The following SLC25A24 variants were observed in gnomAD, a reference collection of about 807,000 sequenced individuals.
SLC25A24 encodes mitochondrial adenyl nucleotide antiporter SLC25A24.
A neutral mutation model predicts 60.7 loss-of-function variants in SLC25A24; 49 were observed. The observed-to-expected ratio is 0.81, with a 90% CI of 0.64 to 1.02. The LOEUF (loss-of-function observed/expected upper bound fraction) is 1.02, where lower values mean the gene tolerates loss of function less well. Among genes scored for constraint, SLC25A24 ranks in the 50% least tolerant of loss-of-function variants. The pLI, the probability that SLC25A24 is intolerant of heterozygous loss-of-function variation, is 0.00. For missense variants in SLC25A24, 564 were observed against 586.3 expected (o/e 0.96, Z 0.39); for synonymous variants, 202 against 200.6 (o/e 1.01, Z -0.06).
chr1:108,182,062 T>G, intron 2 of SLC25A24, 34 bp from the exon 3 acceptor site: 1 of 1,299,178 alleles, frequency 7.7e-7, no homozygotes, highest in Non-Finnish European at 1.1e-6. Flanking sequence ...AAAATAAAAC[T>G]CAGAACTGGT....
chr1:108,176,658 T>A (rs778910393), intron 3 of SLC25A24, among the ~76,000 whole-genome samples: 2 of 151,904 alleles, frequency 1.3e-5, no homozygotes, highest in Admixed American at 1.3e-4. Context: ...TATAAGACAG[T>A]CCCAATATGG....
intron 4 of SLC25A24, among the ~76,000 whole-genome samples, chr1:108,159,966 C>G (rs576899616): frequency 8.9e-4 from 135 of 152,220 alleles, no homozygotes; most frequent in African/African-American, 3.1e-3. Flanking sequence ...GGCCCGTTCT[C>G]AATGAGCTGT....
chr1:108,136,971 C>T (rs2101592871), intron 9 of SLC25A24, 134 bp from the exon 10 acceptor site: 1 of 820,454 alleles, frequency 1.2e-6, no homozygotes, highest in Non-Finnish European at 1.9e-6. Flanking sequence ...CCCAAGACAA[C>T]ATCCCTTTTA....
chr1:108,138,479 T>A (rs1181121353), intron 9 of SLC25A24, among the ~76,000 whole-genome samples: 1 of 152,080 alleles, frequency 6.6e-6, no homozygotes, highest in African/African-American at 2.4e-5. Flanking sequence ...CAGCAAATGG[T>A]AAAAGTTATC....
At chr1:108,194,733 C>T (rs1217749473) in intron 1 of SLC25A24, among the ~76,000 whole-genome samples, 1 of 152,174 alleles carries the variant, frequency 6.6e-6, no homozygotes, top group Admixed American at 6.5e-5. Context: ...AGAACGCTGT[C>T]AGTGTTGTTC....
At position 108,190,673 on chromosome 1, in the gene SLC25A24, C is replaced by T. The variant is rs147476758; in HGVS notation, c.184-4719G>A. Among the ~76,000 whole-genome samples, 74 of 150,392 alleles carry T rather than the reference C, an allele frequency of 4.9e-4. 1 individual carries two copies. The highest frequency in any genetic ancestry group is 1.5e-3 in the African/African-American group (63 of 40,872). On this transcript the variant is annotated intron_variant, in intron 1 of 9. Transcript: ENST00000565488. ...AAGTTATTGCTTTTGTATCTTAACA[C>T]GACAATGTAAGTATCATTTCTTTTT...
rs1332580880 is a variant in SLC25A24 at position 108,166,598 on chromosome 1, C to T, written c.399-5305G>A. Among the ~76,000 whole-genome samples the T allele has an allele frequency of 1.1e-4, 17 of 152,294 alleles. No individual in the cohort carries two copies. The East Asian group carries it at 3.3e-3, about 29-fold the overall frequency. ...CAGTTGATCGCATCAGCTCCTGAGGCTTCTGCATTCTTCATGTAGTTCTCG... is the reference window on the plus strand; with the variant it reads ...CAGTTGATCGCATCAGCTCCTGAGGTTTCTGCATTCTTCATGTAGTTCTCG... On this transcript the variant is annotated intron_variant, in intron 3 of 9. Transcript: ENST00000565488.
At chr1:108,196,734 T>A (rs1249767965) in intron 1 of SLC25A24, among the ~76,000 whole-genome samples, 1 of 152,160 alleles carries the variant, frequency 6.6e-6, no homozygotes, top group African/African-American at 2.4e-5. Context: ...TGTCCTCACA[T>A]GGTGGAAGGG....
intron 7 of SLC25A24, among the ~76,000 whole-genome samples, chr1:108,145,596 G>A (rs1679567420): frequency 6.6e-6 from 1 of 151,658 alleles, no homozygotes; most frequent in Admixed American, 6.6e-5. Flanking sequence ...TTTATAAGGT[G>A]TAAGGAAGGG....
intron 7 of SLC25A24, among the ~76,000 whole-genome samples, chr1:108,143,990 C>A (rs923270968): frequency 6.6e-6 from 1 of 152,120 alleles, no homozygotes; most frequent in African/African-American, 2.4e-5. Context: ...GACTGGTGAC[C>A]ACCTGCATCT....
Position 108,192,812 on chromosome 1 carries a change from C to A in SLC25A24, c.184-6858G>T, listed in dbSNP as rs1558029163. On this transcript the variant is annotated intron_variant, in intron 1 of 9. Transcript: ENST00000565488. Reference sequence around the variant, plus strand: ...TCTGGAAGGAGAGGGCTCATCCTAACGGCTTCAGCGCAAAGGCGCGAGCGC... The same window carrying A: ...TCTGGAAGGAGAGGGCTCATCCTAAAGGCTTCAGCGCAAAGGCGCGAGCGC... 1.1e-5 allele frequency: 14 copies of A among 1,248,396 alleles called. 3 individuals carry two copies. The highest frequency in any genetic ancestry group is 1.4e-5 in the Non-Finnish European group (14 of 982,048). The allele number at this position is 1,248,396 out of a possible 1,614,324, so 77.3% of individuals were successfully genotyped here.
chr1:108,170,348 T>C (rs1224986853), intron 3 of SLC25A24, among the ~76,000 whole-genome samples: 1 of 152,150 alleles, frequency 6.6e-6, no homozygotes, highest in African/African-American at 2.4e-5. Context: ...TACCAGTTCT[T>C]TGAAATGTGT....
rs374038234 is a variant in SLC25A24, at chr1:108,196,002, GAAA to G, written c.183+3951_183+3953del. Among the ~76,000 whole-genome samples, 1,058 of 106,226 alleles carry G rather than the reference GAAA, an allele frequency of 1.0e-2. 15 individuals carry two copies. Among genetic ancestry groups the G allele is most frequent in the African/African-American group, 0.031 (1,007 of 32,754 alleles). The allele number at this position is 106,226 out of a possible 152,430, so 69.7% of individuals were successfully genotyped here. A position where few individuals can be genotyped will look rare whatever the true frequency, so the allele number is the denominator to read the frequency against. On this transcript the variant is annotated intron_variant, in intron 1 of 9. Transcript: ENST00000565488. The stretch of plus-strand genomic sequence containing the variant: ...GTGATAGAGCAAGATTCTGTCTCCA[GAAA>G]AAAAAAAAAAAAGCAATATTAATGA...
intron 6 of SLC25A24, among the ~76,000 whole-genome samples, chr1:108,153,082 G>A (rs1320919222): frequency 1.3e-5 from 2 of 152,136 alleles, no homozygotes; most frequent in Non-Finnish European, 2.9e-5. Context: ...CAGTACACAG[G>A]TAGACCTACA....
Position 108,136,857 on chromosome 1 carries a change from G to T in SLC25A24, c.1250-20C>A. ...ACATGGCTAAAAAATAAAAAAAGAG[G>T]GTAATTTAATATTCAAGTATGTTTC... On this transcript the variant is annotated intron_variant, in intron 9 of 9. Transcript: ENST00000565488. The T allele has an allele frequency of 6.2e-7, 1 of 1,601,630 alleles. No homozygotes were observed. Among genetic ancestry groups the T allele is most frequent in the East Asian group, 2.2e-5 (1 of 44,736 alleles).
intron 3 of SLC25A24, among the ~76,000 whole-genome samples, chr1:108,165,393 T>C (rs1680219352): frequency 6.7e-6 from 1 of 150,074 alleles, no homozygotes; most frequent in Admixed American, 6.7e-5. Flanking sequence ...GACAGTGGGG[T>C]GTGAAAGTCT....
At chr1:108,166,821 C>G (rs1680268522) in intron 3 of SLC25A24, among the ~76,000 whole-genome samples, 1 of 152,210 alleles carries the variant, frequency 6.6e-6, no homozygotes, top group Admixed American at 6.5e-5. Flanking sequence ...CAGCTTTGTT[C>G]CGTTGCTGGT....
chr1:108,157,512 C>T lies in SLC25A24; in HGVS notation c.619G>A (p.Val207Ile). Residue 207 changes from valine (V) to isoleucine (I), a missense_variant, in exon 5 of 10, where the codon GTC becomes ATC. Coordinates refer to ENST00000565488, the MANE Select transcript of SLC25A24 (RefSeq NM_013386.5). ...QLLAGGIAGA[V>I]SRTSTAPLDR... is the part of the protein sequence containing the mutation. ...AAAGGGGCAGTGCTTGTTCGAGAGA[C>T]AGCACCAGCAATGCCTCCTGCCAAA... 6.2e-7 allele frequency: 1 copy of T among 1,614,154 alleles called. No individual in the cohort carries two copies. Among genetic ancestry groups the T allele is most frequent in the Non-Finnish European group, 8.5e-7 (1 of 1,180,030 alleles).
Position 108,136,113 on chromosome 1 carries a change from A to G in SLC25A24, c.*540T>C, listed in dbSNP as rs1410473834. 1.3e-5 allele frequency: 2 copies of G among 152,328 alleles called. No homozygotes were observed. Among genetic ancestry groups the G allele is most frequent in the African/African-American group, 4.8e-5 (2 of 41,574 alleles). 9.4% of individuals were successfully genotyped at this position (152,328 alleles called of 1,614,324 possible). ...CTTCAGAAATTCCACCACTGTGTTCATTCGTATTCAGCTGAAAGAAAAATA... is the reference window on the plus strand; with the variant it reads ...CTTCAGAAATTCCACCACTGTGTTCGTTCGTATTCAGCTGAAAGAAAAATA... On this transcript the variant is annotated 3_prime_UTR_variant, in exon 10 of 10. Transcript: ENST00000565488.
Sources: gnomAD v4.1 joint callset for allele counts (sites outside exome capture counted in the v4.1 genomes callset) on GRCh38, gnomAD v4.1.1 for gene constraint, MANE v1.5 for transcripts, NCBI Gene and HGNC (gene_info 2026-07-23, HGNC 2026-07-21) for gene names.